DAOA: variants seen among roughly 807,000 people sequenced by gnomAD.
DAOA encodes the protein D-amino acid oxidase regulator.
Under a neutral mutation model 16.4 loss-of-function variants are expected in DAOA, and 15 were observed. The observed-to-expected ratio is 0.91, with a 90% CI of 0.61 to 1.41. DAOA has a LOEUF of 1.41. Ranked by LOEUF, DAOA falls within the 40% of genes most tolerant of loss-of-function variation. The probability of loss-of-function intolerance (pLI) is 0.00; values close to 1 mark genes in which losing one functional copy is unlikely to be tolerated. For synonymous variants in DAOA, 75 were observed against 59.1 expected, an observed-to-expected ratio of 1.27 and a Z score of -1.23; for missense variants, 230 against 176.8, an observed-to-expected ratio of 1.30 and a Z score of -1.71.
intron 4 of DAOA, among the ~76,000 whole-genome samples, chr13:105,475,856 T>C (rs965462261): frequency 6.6e-6 from 1 of 152,214 alleles, no homozygotes; most frequent in African/African-American, 2.4e-5. Flanking sequence ...TTTATTGGAA[T>C]ATCTATTTAC....
At chr13:105,482,391 G>A (rs1322058248) in intron 4 of DAOA, among the ~76,000 whole-genome samples, 1 of 151,586 alleles carries the variant, frequency 6.6e-6, no homozygotes. Context: ...GCATGAGGAA[G>A]GACTGTGTGG....
intron 4 of DAOA, among the ~76,000 whole-genome samples, chr13:105,484,828 T>C (rs914118693): frequency 6.6e-6 from 1 of 152,176 alleles, no homozygotes; most frequent in South Asian, 2.1e-4. Context: ...AATTCAAATT[T>C]CAATATCAAA....
intron 4 of DAOA, among the ~76,000 whole-genome samples, chr13:105,487,485 T>G (rs1371382568): frequency 6.6e-6 from 1 of 152,092 alleles, no homozygotes; most frequent in East Asian, 1.9e-4. Flanking sequence ...ATTTACATTT[T>G]AGAAATCATT....
intron 3 of DAOA, among the ~76,000 whole-genome samples, chr13:105,467,392 C>T (rs115184003): frequency 0.012 from 1,845 of 152,180 alleles, 28 homozygotes; most frequent in African/African-American, 0.04. Flanking sequence ...AGATCGATAT[C>T]TCTTTTTATA....
intron 4 of DAOA, among the ~76,000 whole-genome samples, chr13:105,480,552 AT>A (rs1877659856): frequency 1.3e-5 from 2 of 151,942 alleles, no homozygotes; most frequent in East Asian, 3.9e-4. Flanking sequence ...AGATAGATAG[AT>A]AGATAGATAG....
intron 4 of DAOA, among the ~76,000 whole-genome samples, chr13:105,473,557 G>C (rs1275376206): frequency 1.3e-5 from 2 of 151,928 alleles, no homozygotes; most frequent in Non-Finnish European, 2.9e-5. Context: ...ATTTAAATTT[G>C]TCATTTACCA....
chr13:105,470,418 C>G (rs1282547757), intron 3 of DAOA, among the ~76,000 whole-genome samples: 1 of 151,996 alleles, frequency 6.6e-6, no homozygotes, highest in African/African-American at 2.4e-5. Context: ...CCTTTTTTAT[C>G]ATTCTCATTT....
intron 3 of DAOA, among the ~76,000 whole-genome samples, chr13:105,472,251 C>G (rs1481452985): frequency 6.6e-6 from 1 of 152,134 alleles, no homozygotes; most frequent in African/African-American, 2.4e-5. Context: ...TTTTTTCGTG[C>G]CATTTTGATA....
chr13:105,489,109 A>G (rs1016174247), intron 4 of DAOA, among the ~76,000 whole-genome samples: 1 of 152,176 alleles, frequency 6.6e-6, no homozygotes, highest in Non-Finnish European at 1.5e-5. Context: ...GATTAACTCT[A>G]TTACTTAGTG....
In DAOA at chr13:105,488,756, C is replaced by A. The variant is rs377277258; in HGVS notation, c.282-1145C>A. On this transcript the variant is annotated intron_variant, in intron 4 of 5. Transcript: ENST00000375936. Reference sequence around the variant, plus strand: ...TCTAAAGGATTAGGTTAGGATCAGGCCAAGTCATTAGACCTTAGAATCCTA... The same window carrying A: ...TCTAAAGGATTAGGTTAGGATCAGGACAAGTCATTAGACCTTAGAATCCTA... Among the ~76,000 whole-genome samples the A allele has an allele frequency of 7.1e-4, 108 of 152,266 alleles. No homozygotes were observed. The Middle Eastern group carries it at 0.017, about 24-fold the overall frequency.
At chr13:105,482,973 A>T (rs1044036318) in intron 4 of DAOA, among the ~76,000 whole-genome samples, 1 of 152,132 alleles carries the variant, frequency 6.6e-6, no homozygotes, top group Non-Finnish European at 1.5e-5. Context: ...GGTAATGTTT[A>T]CCACAAACCT....
chr13:105,471,800 T>C (rs1339410293), intron 3 of DAOA, among the ~76,000 whole-genome samples: 1 of 152,226 alleles, frequency 6.6e-6, no homozygotes, highest in Non-Finnish European at 1.5e-5. Flanking sequence ...ATTGCATTTA[T>C]ATCATATTTT....
intron 3 of DAOA, among the ~76,000 whole-genome samples, chr13:105,468,321 C>T (rs1045211038): frequency 1.3e-5 from 2 of 152,136 alleles, no homozygotes; most frequent in Non-Finnish European, 2.9e-5. Flanking sequence ...GAAGTTTCTG[C>T]CTACCACAGC....
At chr13:105,472,073 A>T (rs1437511295) in intron 3 of DAOA, among the ~76,000 whole-genome samples, 1 of 152,236 alleles carries the variant, frequency 6.6e-6, no homozygotes, top group African/African-American at 2.4e-5. Flanking sequence ...ACCGGAGGAA[A>T]GGCCCCTTGA....
At chr13:105,484,915 A>G (rs904341226) in intron 4 of DAOA, among the ~76,000 whole-genome samples, 1 of 152,078 alleles carries the variant, frequency 6.6e-6, no homozygotes, top group African/African-American at 2.4e-5. Context: ...GTTGGGATCA[A>G]TGTATTTGCT....
intron 4 of DAOA, among the ~76,000 whole-genome samples, chr13:105,479,013 C>A (rs1877529634): frequency 6.6e-6 from 1 of 152,182 alleles, no homozygotes; most frequent in African/African-American, 2.4e-5. Flanking sequence ...AACAACTATT[C>A]ACTGGGCACT....
intron 4 of DAOA, among the ~76,000 whole-genome samples, chr13:105,477,431 G>A (rs1877413844): frequency 6.6e-6 from 1 of 152,180 alleles, no homozygotes; most frequent in Non-Finnish European, 1.5e-5. Context: ...TAAACTGAAT[G>A]TAAAAATTAG....
At chr13:105,471,370 A>T (rs1876945043) in intron 3 of DAOA, among the ~76,000 whole-genome samples, 2 of 152,178 alleles carry the variant, frequency 1.3e-5, no homozygotes, top group South Asian at 4.1e-4. Context: ...TAAAATTTGG[A>T]CTAAGAACCA....
At chr13:105,466,405 C>T in intron 2 of DAOA, 73 bp downstream of exon 2, 1 of 1,607,596 alleles carries the variant, frequency 6.2e-7, no homozygotes, top group Non-Finnish European at 8.5e-7. Flanking sequence ...GCACAGAGCT[C>T]CCAGGGTGAA....
Sources: allele counts gnomAD v4.1 joint callset (sites outside exome capture counted in the v4.1 genomes callset), GRCh38; gene constraint gnomAD v4.1.1; transcripts MANE v1.5; gene names NCBI Gene and HGNC (gene_info 2026-07-23, HGNC 2026-07-21).